The following CDCP1 variants were observed in gnomAD, a reference collection of about 807,000 sequenced individuals.
CDCP1 encodes CUB domain containing protein 1, also known as CUB domain-containing protein 1.
A neutral mutation model predicts 60.2 loss-of-function variants in CDCP1; 29 were observed. The ratio of observed to expected loss-of-function variants is 0.48; its 90% CI spans 0.36 to 0.66. The LOEUF (loss-of-function observed/expected upper bound fraction) is 0.66. Among genes scored for constraint, CDCP1 ranks in the 30% least tolerant of loss-of-function variants. The pLI, the probability that CDCP1 is intolerant of heterozygous loss-of-function variation, is 0.00. For missense variants in CDCP1, 876 were observed against 1,074.3 expected, an observed-to-expected ratio of 0.82 and a Z score of 2.58; for synonymous variants, 387 against 431.1, an observed-to-expected ratio of 0.90 and a Z score of 1.27.
intron 1 of CDCP1, among the ~76,000 whole-genome samples, chr3:45,130,868 A>AT (rs937109593): frequency 4.1e-4 from 61 of 149,440 alleles, no homozygotes; most frequent in Middle Eastern, 3.5e-3. Context: ...GGTATGCTTC[A>AT]TTTTTTTTTT....
At chr3:45,138,833 G>C (rs34143902) in intron 1 of CDCP1, among the ~76,000 whole-genome samples, 1 of 151,762 alleles carries the variant, frequency 6.6e-6, no homozygotes. Context: ...GCAACAGAGC[G>C]AAAACTCCAT....
chr3:45,114,413 CTT>C (rs10688307), intron 2 of CDCP1, among the ~76,000 whole-genome samples: 1 of 143,938 alleles, frequency 6.9e-6, no homozygotes, highest in Non-Finnish European at 1.5e-5. Context: ...CATTAACTCT[CTT>C]TTTTTTTTTT....
At chr3:45,095,218 G>A in intron 5 of CDCP1, 129 bp downstream of exon 5, 1 of 796,408 alleles carries the variant, frequency 1.3e-6, no homozygotes, top group Non-Finnish European at 2.0e-6. Flanking sequence ...ACAGGCGTGA[G>A]CCATCGTGCC....
intron 1 of CDCP1, among the ~76,000 whole-genome samples, chr3:45,128,217 G>A (rs1457298934): frequency 6.6e-6 from 1 of 152,250 alleles, no homozygotes; most frequent in Non-Finnish European, 1.5e-5. Flanking sequence ...ACTGCACTGG[G>A]AAGTCAGGGC....
At chr3:45,113,454 T>C (rs1385770911) in intron 2 of CDCP1, among the ~76,000 whole-genome samples, 3 of 152,210 alleles carry the variant, frequency 2.0e-5, no homozygotes, top group Admixed American at 1.3e-4. Flanking sequence ...TAAGGTTTTG[T>C]TGTTTTGAGC....
intron 8 of CDCP1, among the ~76,000 whole-genome samples, chr3:45,087,014 T>C (rs574209850): frequency 6.6e-6 from 1 of 152,362 alleles, no homozygotes; most frequent in East Asian, 1.9e-4. Flanking sequence ...GCTGAGCCCC[T>C]GGCCAGGAGG....
At chr3:45,145,807 C>T (rs1699373136) in intron 1 of CDCP1, among the ~76,000 whole-genome samples, 2 of 152,178 alleles carry the variant, frequency 1.3e-5, no homozygotes, top group South Asian at 4.1e-4. Flanking sequence ...TGCCTGGGTG[C>T]TTTCAAGAAT....
intron 4 of CDCP1, among the ~76,000 whole-genome samples, chr3:45,103,342 GTAC>G (rs1698513904): frequency 6.6e-6 from 1 of 152,142 alleles, no homozygotes; most frequent in Non-Finnish European, 1.5e-5. Context: ...TTCCTGAGTA[GTAC>G]TCCATGAGCG....
At position 45,095,429 on chromosome 3, in the gene CDCP1, G is replaced by A. The variant is rs375636253; in HGVS notation, c.1164C>T (p.Thr388=). 9 of 1,614,052 alleles carry A rather than the reference G, an allele frequency of 5.6e-6. No homozygotes were observed. The Admixed American group carries it at 1.2e-4, about 21-fold the overall frequency. ...LESRTCSSNL[T]LTSGSKHKIS... Reference sequence around the variant, plus strand: ...TTTTGTGTTTGGAGCCAGATGTCAGGGTGAGGTTGCTACTGCAGGTCCGAG... The same window carrying A: ...TTTTGTGTTTGGAGCCAGATGTCAGAGTGAGGTTGCTACTGCAGGTCCGAG... The change falls in exon 5 of 9, where the codon ACC becomes ACT. Residue 388 remains threonine (T), a synonymous_variant. Transcript: ENST00000296129.
chr3:45,109,680 G>T (rs912883928), intron 4 of CDCP1, among the ~76,000 whole-genome samples: 1 of 151,972 alleles, frequency 6.6e-6, no homozygotes, highest in Non-Finnish European at 1.5e-5. Flanking sequence ...AGGGAGCAAA[G>T]TTTAAGGAGG....
At position 45,118,605 on chromosome 3, in the gene CDCP1, A is replaced by G; in HGVS notation, c.99T>C (p.Ala33=). 1 of 1,613,920 alleles carries G rather than the reference A, an allele frequency of 6.2e-7. No individual in the cohort carries two copies. The highest frequency in any genetic ancestry group is 8.5e-7 in the Non-Finnish European group (1 of 1,180,012). The part of the protein sequence containing the change: ...LPRGAEAFEI[A]LPRESNITVL... Reference sequence around the variant, plus strand: ...CTGTAATGTTGCTTTCTCGTGGCAGAGCAATCTCAAAAGCTTCTGAAGGAA... The same window carrying G: ...CTGTAATGTTGCTTTCTCGTGGCAGGGCAATCTCAAAAGCTTCTGAAGGAA... The change falls in exon 2 of 9, where the codon GCT becomes GCC. Residue 33 remains alanine (A), a synonymous_variant. Coordinates refer to ENST00000296129, the MANE Select transcript of CDCP1 (RefSeq NM_022842.5).
In CDCP1 at chr3:45,112,134, G is replaced by C. The variant is rs141965879; in HGVS notation, c.604C>G (p.His202Asp). ...CTGAAGCCGGAGACATTTCTGGGGT[G>C]GAACCATGGGAGGTGTAAGGCCATT... ...VKMALHLPWFHPRNVSGFSIA... is the reference protein window; with the variant it reads ...VKMALHLPWFDPRNVSGFSIA... Residue 202 changes from histidine to aspartate, a missense_variant, in exon 3 of 9, where the codon CAC (histidine) becomes GAC (aspartate). Transcript: ENST00000296129. The C allele has an allele frequency of 6.2e-7, 1 of 1,614,030 alleles. No homozygotes were observed. Among genetic ancestry groups the C allele is most frequent in the African/African-American group, 1.3e-5 (1 of 74,914 alleles).
At chr3:45,087,705 G>A (rs1446680243) in intron 8 of CDCP1, among the ~76,000 whole-genome samples, 1 of 152,180 alleles carries the variant, frequency 6.6e-6, no homozygotes, top group Non-Finnish European at 1.5e-5. Context: ...TCTTTGCTCA[G>A]GTCCACAGTT....
chr3:45,094,788 G>A (rs1698367068), intron 5 of CDCP1, among the ~76,000 whole-genome samples: 1 of 152,038 alleles, frequency 6.6e-6, no homozygotes, highest in Non-Finnish European at 1.5e-5. Flanking sequence ...GAGGAAGATT[G>A]GAAGGCTGGG....
chr3:45,142,764 G>A (rs947121485), intron 1 of CDCP1, among the ~76,000 whole-genome samples: 3 of 149,182 alleles, frequency 2.0e-5, no homozygotes, highest in East Asian at 2.0e-4. Context: ...GGAAATACGC[G>A]TGCAAAGACC....
intron 1 of CDCP1, among the ~76,000 whole-genome samples, chr3:45,138,179 G>T (rs1699221568): frequency 6.6e-6 from 1 of 152,226 alleles, no homozygotes; most frequent in Admixed American, 6.5e-5. Context: ...TCATGTGTGT[G>T]CAGGCACTTG....
intron 4 of CDCP1, among the ~76,000 whole-genome samples, chr3:45,097,137 A>C (rs1698413449): frequency 1.3e-5 from 2 of 151,890 alleles, no homozygotes; most frequent in Admixed American, 6.6e-5. Flanking sequence ...GTGAAACCTC[A>C]TCAATACTAA....
intron 2 of CDCP1, among the ~76,000 whole-genome samples, chr3:45,116,739 C>T (rs1054548490): frequency 6.6e-6 from 1 of 152,110 alleles, no homozygotes; most frequent in Non-Finnish European, 1.5e-5. Flanking sequence ...TCTAACTAAC[C>T]CAAACTGTTC....
rs76977118 is a variant in CDCP1 at position 45,120,452 on chromosome 3, T to C, written c.83-1831A>G. 8.4e-3 allele frequency among the ~76,000 whole-genome samples: 1,273 copies of C among 152,326 alleles called. 9 individuals carry two copies. Among genetic ancestry groups the C allele is most frequent in the Admixed American group, 0.013 (201 of 15,302 alleles). On this transcript the variant is annotated intron_variant, in intron 1 of 8. Transcript: ENST00000296129. ...TTTACCCTCTTTGGGCCTCTGTTCC[T>C]TCATTGTAAAATGAAGGGGTGGGGC...
Sources: gnomAD v4.1 joint callset for allele counts (sites outside exome capture counted in the v4.1 genomes callset) on GRCh38, gnomAD v4.1.1 for gene constraint, MANE v1.5 for transcripts, NCBI Gene and HGNC (gene_info 2026-07-23, HGNC 2026-07-21) for gene names.